Variants in NEDD4L observed in about 807,000 individuals in gnomAD.
The protein encoded by NEDD4L is NEDD4 like E3 ubiquitin protein ligase.
Under a neutral mutation model 148.9 loss-of-function variants are expected in NEDD4L, and 54 were observed. That is an observed-to-expected ratio of 0.36 (90% confidence interval 0.29 to 0.45). The LOEUF (loss-of-function observed/expected upper bound fraction) is 0.45. NEDD4L is among the 20% of genes least tolerant of loss of function. The pLI is 1.00. For missense variants in NEDD4L, 856 were observed against 1,233.8 expected (o/e 0.69, Z 4.59); for synonymous variants, 433 against 440.7 (o/e 0.98, Z 0.22).
chr18:58,116,798 C>T lies in NEDD4L; in HGVS notation c.49-48990C>T, dbSNP rs35614158. On this transcript the variant is annotated intron_variant, in intron 1 of 30. Transcript: ENST00000400345. ...CCACCCTGGTGAGTGCCAGCATGGG[C>T]TTGAGCTGCTCTTCACACTGATGGT... is the stretch of plus-strand genomic sequence containing the variant. 5.4e-3 allele frequency among the ~76,000 whole-genome samples: 820 copies of T among 152,360 alleles called. 5 individuals carry two copies. The highest frequency in any genetic ancestry group is 9.2e-3 in the Non-Finnish European group (624 of 68,032).
chr18:58,196,590 A>G (rs945848974), intron 2 of NEDD4L, among the ~76,000 whole-genome samples: 1 of 152,134 alleles, frequency 6.6e-6, no homozygotes, highest in Admixed American at 6.5e-5. Context: ...CTTTACTCTA[A>G]GTTAAAGACT....
intron 29 of NEDD4L, 38 bp from the exon 30 acceptor site, chr18:58,391,449 C>G (rs1344619659): frequency 6.7e-7 from 1 of 1,491,310 alleles, no homozygotes; most frequent in Admixed American, 2.0e-5. Flanking sequence ...TCTTCTGCCC[C>G]AAGCAATCTT....
intron 1 of NEDD4L, among the ~76,000 whole-genome samples, chr18:58,058,879 A>G (rs1330880946): frequency 6.6e-6 from 1 of 152,148 alleles, no homozygotes; most frequent in African/African-American, 2.4e-5. Flanking sequence ...TCTCGTATAG[A>G]TTAGGCACCT....
rs189580291 is a variant in NEDD4L at position 58,326,654 on chromosome 18, A to G, written c.680+1492A>G. On this transcript the variant is annotated intron_variant, in intron 9 of 30. Coordinates refer to ENST00000400345, the MANE Select transcript of NEDD4L (RefSeq NM_001144967.3). ...TCAACAGCATGAGAAAGGAGTACTG[A>G]AAAGGTAGATCCTCATGCGACCTCT... is the stretch of plus-strand genomic sequence containing the variant. Among the ~76,000 whole-genome samples, 178 of 152,328 alleles carry G rather than the reference A, an allele frequency of 1.2e-3. 1 individual carries two copies. The highest frequency in any genetic ancestry group is 2.0e-3 in the Admixed American group (31 of 15,294).
At chr18:58,283,135 G>A (rs1033711990) in intron 5 of NEDD4L, among the ~76,000 whole-genome samples, 15 of 152,100 alleles carry the variant, frequency 9.9e-5, no homozygotes, top group African/African-American at 3.4e-4. Context: ...GAGCGCAGTG[G>A]TGCGATCTCA....
chr18:58,077,590 G>A (rs150792618), intron 1 of NEDD4L, among the ~76,000 whole-genome samples: 10 of 152,132 alleles, frequency 6.6e-5, no homozygotes, highest in South Asian at 6.2e-4. Flanking sequence ...AATTCCAAGC[G>A]CCATGATAGT....
At chr18:58,253,775 A>G (rs1369319356) in intron 5 of NEDD4L, among the ~76,000 whole-genome samples, 4 of 152,168 alleles carry the variant, frequency 2.6e-5, no homozygotes, top group Non-Finnish European at 5.9e-5. Flanking sequence ...ATTGTTTCCC[A>G]TTTCCGTATC....
At chr18:58,296,219 G>A (rs1466255881) in intron 5 of NEDD4L, among the ~76,000 whole-genome samples, 1 of 152,196 alleles carries the variant, frequency 6.6e-6, no homozygotes, top group African/African-American at 2.4e-5. Context: ...TTAGGAAGGA[G>A]ATTGTCCCAT....
chr18:58,260,292 C>T (rs1056815318), intron 5 of NEDD4L, among the ~76,000 whole-genome samples: 1 of 152,222 alleles, frequency 6.6e-6, no homozygotes, highest in East Asian at 1.9e-4. Context: ...TATAGTAATG[C>T]TCTCTCTTAA....
intron 1 of NEDD4L, among the ~76,000 whole-genome samples, chr18:58,051,802 A>G (rs543454391): frequency 6.6e-6 from 1 of 152,372 alleles, no homozygotes; most frequent in East Asian, 1.9e-4. Flanking sequence ...AGTCCATGCT[A>G]AGGAGGATTA....
At position 58,256,170 on chromosome 18, in the gene NEDD4L, C is replaced by G. The variant is rs543434123; in HGVS notation, c.297+4116C>G. The G allele has an allele frequency of 2.5e-5, 30 of 1,217,912 alleles. No individual in the cohort carries two copies. In the East Asian group the frequency reaches 4.3e-4, roughly 18 times the overall value. The allele number at this position is 1,217,912 out of a possible 1,614,324, so 75.4% of individuals were successfully genotyped here. A position where few individuals can be genotyped will look rare whatever the true frequency, so the allele number is the denominator to read the frequency against. ...ACGTGCGGCCGCCGCGTGCGGTGCT[C>G]CGGCCCCGTGGACTGCGCGGAGGAG... On this transcript the variant is annotated intron_variant, in intron 5 of 30. Transcript: ENST00000400345. This position sits in a 1 kb window ranked among gnomAD's most constrained non-coding sequence, Gnocchi z 5.2.
intron 5 of NEDD4L, chr18:58,255,804 G>C: frequency 8.1e-7 from 1 of 1,232,548 alleles, no homozygotes; most frequent in Non-Finnish European, 1.0e-6. Flanking sequence ...GGGGAGGACG[G>C]CGGCGGAGGC....
At chr18:58,169,944 C>A (rs2037361865) in intron 2 of NEDD4L, among the ~76,000 whole-genome samples, 1 of 152,226 alleles carries the variant, frequency 6.6e-6, no homozygotes, top group South Asian at 2.1e-4. Flanking sequence ...AGAATTGTTT[C>A]TTTCTCCTGA....
chr18:58,068,673 G>C (rs2082727577), intron 1 of NEDD4L, among the ~76,000 whole-genome samples: 1 of 152,220 alleles, frequency 6.6e-6, no homozygotes, highest in Admixed American at 6.5e-5. Context: ...TTTCTCTACT[G>C]TCTTGGGTTG....
chr18:58,389,445 C>T lies in NEDD4L; in HGVS notation c.2655+253C>T, dbSNP rs114276916. 1,075 of 337,094 alleles carry T rather than the reference C, an allele frequency of 3.2e-3. 12 individuals are homozygous for T. The highest frequency in any genetic ancestry group is 0.02 in the African/African-American group (966 of 47,782). The allele number at this position is 337,094 out of a possible 1,614,324, so 20.9% of individuals were successfully genotyped here. On this transcript the variant is annotated intron_variant, in intron 28 of 30. Coordinates refer to ENST00000400345, the MANE Select transcript of NEDD4L (RefSeq NM_001144967.3). Reference sequence around the variant, plus strand: ...GCACACTGGCCTTCCTTGACCACCTCGTGAAAGTGACTTTTATTTGAGGGA... The same window carrying T: ...GCACACTGGCCTTCCTTGACCACCTTGTGAAAGTGACTTTTATTTGAGGGA...
chr18:58,177,863 G>C (rs1192377632), intron 2 of NEDD4L, among the ~76,000 whole-genome samples: 1 of 152,152 alleles, frequency 6.6e-6, no homozygotes, highest in Non-Finnish European at 1.5e-5. Flanking sequence ...AGATTTTAAA[G>C]GTTATTTATA....
chr18:58,325,299 T>G (rs1340652752), intron 9 of NEDD4L, 137 bp downstream of exon 9: 3 of 1,020,250 alleles, frequency 2.9e-6, no homozygotes, highest in Non-Finnish European at 4.2e-6. Flanking sequence ...ACGAGATTCC[T>G]CTCCATTTAC....
intron 9 of NEDD4L, 104 bp downstream of exon 9, chr18:58,325,266 A>G (rs1245811304): frequency 3.8e-6 from 5 of 1,304,204 alleles, no homozygotes; most frequent in African/African-American, 1.4e-5. Flanking sequence ...TCATATGTCT[A>G]TAAGAGCAGA....
chr18:58,053,440 C>T (rs555197762), intron 1 of NEDD4L, among the ~76,000 whole-genome samples: 1 of 152,260 alleles, frequency 6.6e-6, no homozygotes, highest in South Asian at 2.1e-4. Context: ...TCCCAAGTAG[C>T]TGGGACTACA....
Sources: gnomAD v4.1 joint callset for allele counts (sites outside exome capture counted in the v4.1 genomes callset) on GRCh38, gnomAD v4.1.1 for gene constraint, Gnocchi (gnomAD v3.1) non-coding constraint, MANE v1.5 for transcripts, NCBI Gene and HGNC (gene_info 2026-07-23, HGNC 2026-07-21) for gene names.